Variants in USH2A observed in about 807,000 individuals in gnomAD.
The protein encoded by USH2A is usherin.
A neutral mutation model predicts 538.9 loss-of-function variants in USH2A; 443 were observed. The ratio of observed to expected loss-of-function variants is 0.82; its 90% confidence interval spans 0.76 to 0.89. The LOEUF is 0.89. Among genes scored for constraint, USH2A ranks in the 40% least tolerant of loss-of-function variants. The pLI is 0.00. For missense variants in USH2A, 6,633 were observed against 6,324.8 expected (o/e 1.05, Z -1.65); for synonymous variants, 2,413 against 2,273.5 (o/e 1.06, Z -1.75).
intron 50 of USH2A, among the ~76,000 whole-genome samples, chr1:215,792,356 C>G (rs934192390): frequency 6.6e-6 from 1 of 152,082 alleles, no homozygotes; most frequent in African/African-American, 2.4e-5. Flanking sequence ...ACTCACATAA[C>G]AAGAAGTGAC....
At chr1:215,882,104 G>T (rs67200864) in intron 41 of USH2A, among the ~76,000 whole-genome samples, 20,391 of 152,104 alleles carry the variant, frequency 0.13, 1,413 homozygotes, top group South Asian at 0.23. Context: ...ATGAATAAGA[G>T]CATTTATAAA....
At chr1:216,315,986 CT>C (rs1328083171) in intron 9 of USH2A, among the ~76,000 whole-genome samples, 1 of 151,750 alleles carries the variant, frequency 6.6e-6, no homozygotes, top group Non-Finnish European at 1.5e-5. Flanking sequence ...GCATTTACTG[CT>C]TTTTTTTCAT....
chr1:215,908,288 A>G (rs943806260), intron 38 of USH2A, among the ~76,000 whole-genome samples: 1 of 151,986 alleles, frequency 6.6e-6, no homozygotes, highest in Non-Finnish European at 1.5e-5. Flanking sequence ...AAACCAAGGT[A>G]ATGATAACAT....
intron 30 of USH2A, among the ~76,000 whole-genome samples, chr1:216,059,314 T>C (rs1002599423): frequency 6.6e-6 from 1 of 152,188 alleles, no homozygotes; most frequent in Admixed American, 6.5e-5. Context: ...ACTCTTTATA[T>C]GGCCCATAAA....
intron 21 of USH2A, among the ~76,000 whole-genome samples, chr1:216,149,846 C>T (rs903628340): frequency 2.0e-5 from 3 of 152,136 alleles, no homozygotes; most frequent in African/African-American, 4.8e-5. Flanking sequence ...CCCCGACTGC[C>T]GTCCGCCTGC....
Position 215,721,069 on chromosome 1 carries a change from T to C in USH2A, c.12066+6961A>G, listed in dbSNP as rs568673988. On this transcript the variant is annotated intron_variant, in intron 61 of 71. Coordinates refer to ENST00000307340, the MANE Select transcript of USH2A (RefSeq NM_206933.4). Reference sequence around the variant, plus strand: ...CAGGTTTTAATTTAGACTGGAGTTTTTGTTGTTGTTGTTGTTGTTTTTTGA... The same window carrying C: ...CAGGTTTTAATTTAGACTGGAGTTTCTGTTGTTGTTGTTGTTGTTTTTTGA... 1.4e-4 allele frequency among the ~76,000 whole-genome samples: 20 copies of C among 141,446 alleles called. No individual in the cohort carries two copies. In the South Asian group the frequency reaches 3.6e-3, roughly 25 times the overall value. 92.8% of individuals were successfully genotyped at this position (141,446 alleles called of 152,430 possible). A position where few individuals can be genotyped will look rare whatever the true frequency, so the allele number is the denominator to read the frequency against.
chr1:216,335,984 C>G (rs2037966577), intron 4 of USH2A, among the ~76,000 whole-genome samples: 1 of 151,520 alleles, frequency 6.6e-6, no homozygotes, highest in Non-Finnish European at 1.5e-5. Flanking sequence ...AACTATAGGC[C>G]AATATGCCTT....
At chr1:215,827,693 C>A (rs1305289328) in intron 47 of USH2A, among the ~76,000 whole-genome samples, 1 of 152,048 alleles carries the variant, frequency 6.6e-6, no homozygotes, top group Non-Finnish European at 1.5e-5. Flanking sequence ...CAAGGTTCTA[C>A]CCATATCCTT....
chr1:215,844,614 C>A, intron 45 of USH2A, 118 bp from the exon 46 acceptor site: 1 of 1,040,250 alleles, frequency 9.6e-7, no homozygotes, highest in South Asian at 1.3e-5. Context: ...CTGCTTTTCG[C>A]TGATGAAGTT....
At chr1:215,758,058 T>G (rs982075909) in intron 58 of USH2A, among the ~76,000 whole-genome samples, 4 of 150,834 alleles carry the variant, frequency 2.7e-5, no homozygotes, top group Non-Finnish European at 5.9e-5. Context: ...CTGAGGCGGG[T>G]GAATTACCTG....
At chr1:216,287,764 C>A (rs996284577) in intron 11 of USH2A, among the ~76,000 whole-genome samples, 2 of 152,186 alleles carry the variant, frequency 1.3e-5, no homozygotes, top group South Asian at 4.2e-4. Flanking sequence ...TACAGTCTTC[C>A]TATACTATAT....
chr1:215,670,234 C>T (rs577376058), intron 64 of USH2A, among the ~76,000 whole-genome samples: 17 of 152,288 alleles, frequency 1.1e-4, no homozygotes, highest in Admixed American at 8.5e-4. Flanking sequence ...AGGGGCTGAG[C>T]GGCTCATGTG....
At chr1:216,234,694 CTT>C (rs2035771580) in intron 13 of USH2A, among the ~76,000 whole-genome samples, 1 of 151,980 alleles carries the variant, frequency 6.6e-6, no homozygotes. Context: ...TTAATTTAGA[CTT>C]ACTGCAATAG....
intron 64 of USH2A, among the ~76,000 whole-genome samples, chr1:215,659,383 G>C (rs78110353): frequency 6.6e-6 from 1 of 152,180 alleles, no homozygotes. Flanking sequence ...GCAATGGGAT[G>C]AGGACAGAAT....
At chr1:215,886,405 C>T (rs1488006146) in intron 41 of USH2A, among the ~76,000 whole-genome samples, 1 of 152,116 alleles carries the variant, frequency 6.6e-6, no homozygotes, top group Non-Finnish European at 1.5e-5. Flanking sequence ...GCCAATAATA[C>T]TGAAGGACAG....
At chr1:216,104,554 A>G (rs1374040131) in intron 21 of USH2A, among the ~76,000 whole-genome samples, 7 of 152,224 alleles carry the variant, frequency 4.6e-5, no homozygotes, top group Non-Finnish European at 1.0e-4. Flanking sequence ...AAACCTGACG[A>G]AAATAAGAAA....
chr1:215,739,113 T>C (rs971697209), intron 60 of USH2A, among the ~76,000 whole-genome samples: 6 of 152,164 alleles, frequency 3.9e-5, no homozygotes, highest in African/African-American at 1.4e-4. Context: ...CATTTCACTT[T>C]AAATAAAAAA....
At chr1:216,135,387 T>C (rs904377103) in intron 21 of USH2A, among the ~76,000 whole-genome samples, 2 of 152,028 alleles carry the variant, frequency 1.3e-5, no homozygotes, top group African/African-American at 4.8e-5. Flanking sequence ...ATTTCGGTGG[T>C]CAAGAAGTTG....
At chr1:216,308,426 G>T (rs1250287491) in intron 9 of USH2A, among the ~76,000 whole-genome samples, 1 of 151,868 alleles carries the variant, frequency 6.6e-6, no homozygotes, top group African/African-American at 2.4e-5. Context: ...TTAGTTTACT[G>T]ATAACCAGTA....
Sources: gnomAD v4.1 joint callset for allele counts (sites outside exome capture counted in the v4.1 genomes callset) on GRCh38, gnomAD v4.1.1 for gene constraint, MANE v1.5 for transcripts, NCBI Gene and HGNC (gene_info 2026-07-23, HGNC 2026-07-21) for gene names.